CCM2L: variants seen among roughly 807,000 people sequenced by gnomAD.
CCM2L encodes cerebral cavernous malformations 2 protein-like.
A neutral mutation model predicts 54.1 loss-of-function variants in CCM2L; 36 were observed. The ratio of observed to expected loss-of-function variants is 0.67; its 90% confidence interval spans 0.51 to 0.88. CCM2L has a LOEUF of 0.88. Among genes scored for constraint, CCM2L ranks in the 40% least tolerant of loss-of-function variants. CCM2L has a pLI of 0.00. For missense variants in CCM2L, 700 were observed against 812.1 expected, an observed-to-expected ratio of 0.86 and a Z score of 1.68; for synonymous variants, 351 against 359.3, an observed-to-expected ratio of 0.98 and a Z score of 0.26.
In CCM2L at chr20:32,015,020, C is replaced by T. The variant is rs2064729697; in HGVS notation, c.147C>T (p.Tyr49=). The T allele has an allele frequency of 1.9e-6, 3 of 1,562,086 alleles. No individual in the cohort carries two copies. Among genetic ancestry groups the T allele is most frequent in the Non-Finnish European group, 2.6e-6 (3 of 1,156,804 alleles). The change falls in exon 2 of 10, where the codon TAC becomes TAT. Residue 49 remains tyrosine (Y), a synonymous_variant. Coordinates refer to ENST00000452892, the MANE Select transcript of CCM2L (RefSeq NM_001365692.1). ...LHSMPLYPPD[Y]LIDPQILLCD... ...CGATGCCCCTTTATCCCCCCGACTA[C>T]CTCATCGACCCCCAGATTCTGCTGT...
intron 6 of CCM2L, among the ~76,000 whole-genome samples, chr20:32,025,338 G>A (rs1039583559): frequency 3.3e-5 from 5 of 149,352 alleles, no homozygotes; most frequent in Admixed American, 6.7e-5. Context: ...GTACAATCAC[G>A]GCTCTCTGCA....
intron 1 of CCM2L, among the ~76,000 whole-genome samples, chr20:32,010,701 GGACA>G (rs1184414359): frequency 6.6e-6 from 1 of 152,100 alleles, no homozygotes; most frequent in Non-Finnish European, 1.5e-5. Context: ...TCCCTAACGT[GGACA>G]GACAGGGACC....
intron 7 of CCM2L, 86 bp downstream of exon 7, chr20:32,026,005 C>A: frequency 2.9e-6 from 3 of 1,046,838 alleles, no homozygotes; most frequent in Non-Finnish European, 1.3e-6. Context: ...AGAAGGTGAC[C>A]CAACCTTGAT....
intron 2 of CCM2L, 86 bp downstream of exon 2, chr20:32,015,157 T>A: frequency 7.6e-7 from 1 of 1,323,210 alleles, no homozygotes. Flanking sequence ...ATCAGCCGTA[T>A]CTCACACAGG....
Position 32,029,054 on chromosome 20 carries a change from A to G in CCM2L, c.1193A>G (p.His398Arg), listed in dbSNP as rs779529333. The change falls in exon 8 of 10, where the codon CAT becomes CGT. Residue 398 changes from histidine to arginine, a missense_variant. Physicochemically the swap from His to Arg is conservative, Grantham distance 29. Coordinates refer to ENST00000452892, the MANE Select transcript of CCM2L (RefSeq NM_001365692.1). ...CYSGTSTPSF[H>R]GSHCSGSDHS... ...AGCGGCACGTCCACACCTTCTTTCC[A>G]TGGCTCCCACTGCAGCGGCAGCGAC... 1.4e-5 allele frequency: 23 copies of G among 1,614,002 alleles called. No individual in the cohort carries two copies. The Admixed American group carries it at 3.8e-4, about 27-fold the overall frequency.
chr20:32,011,759 A>C (rs2064697602), intron 1 of CCM2L, among the ~76,000 whole-genome samples: 1 of 152,044 alleles, frequency 6.6e-6, no homozygotes, highest in Non-Finnish European at 1.5e-5. Flanking sequence ...AAAACCCCAC[A>C]GTGGGAAGTC....
At chr20:32,024,731 G>A (rs915798863) in intron 6 of CCM2L, among the ~76,000 whole-genome samples, 1 of 152,236 alleles carries the variant, frequency 6.6e-6, no homozygotes, top group Admixed American at 6.5e-5. Context: ...GGAGGCTGAG[G>A]CAGGAGAATC....
intron 7 of CCM2L, chr20:32,028,713 G>A (rs1007245386): frequency 1.6e-5 from 7 of 447,562 alleles, no homozygotes; most frequent in South Asian, 1.2e-4. Flanking sequence ...CAAAAGGGAG[G>A]GGAAAGGAGG....
At chr20:32,015,470 AG>A (rs1213155792) in intron 2 of CCM2L, among the ~76,000 whole-genome samples, 1 of 152,248 alleles carries the variant, frequency 6.6e-6, no homozygotes, top group Admixed American at 6.5e-5. Context: ...AGGAAGGCAA[AG>A]GTTTTTAAAG....
chr20:32,019,503 GGATCT>G, intron 5 of CCM2L, 94 bp downstream of exon 5: 1 of 895,748 alleles, frequency 1.1e-6, no homozygotes, highest in Non-Finnish European at 1.5e-6. Context: ...CAGGTTCCTA[GGATCT>G]GCCCCTGCCT....
At chr20:32,014,263 T>TATATATATA (rs367825984) in intron 1 of CCM2L, among the ~76,000 whole-genome samples, 29 of 105,086 alleles carry the variant, frequency 2.8e-4, no homozygotes, top group South Asian at 1.1e-3. Flanking sequence ...ATATATATAT[T>TATATATATA]TTTTTTTTTT....
At chr20:32,026,612 G>T (rs952024945) in intron 7 of CCM2L, among the ~76,000 whole-genome samples, 1 of 152,104 alleles carries the variant, frequency 6.6e-6, no homozygotes, top group South Asian at 2.1e-4. Flanking sequence ...GCGGTGGCTC[G>T]CACCTGTAAT....
intron 1 of CCM2L, among the ~76,000 whole-genome samples, chr20:32,011,602 A>T (rs183801590): frequency 2.0e-5 from 3 of 152,030 alleles, no homozygotes; most frequent in African/African-American, 4.8e-5. Context: ...TAAAATAAAT[A>T]AATAAATACA....
At chr20:32,013,978 T>C (rs1281327244) in intron 1 of CCM2L, among the ~76,000 whole-genome samples, 1 of 152,198 alleles carries the variant, frequency 6.6e-6, no homozygotes, top group Non-Finnish European at 1.5e-5. Flanking sequence ...TGAGAAATGC[T>C]GTTCTAGATG....
intron 6 of CCM2L, among the ~76,000 whole-genome samples, chr20:32,024,993 G>T (rs989721187): frequency 4.6e-5 from 7 of 152,218 alleles, no homozygotes; most frequent in African/African-American, 1.4e-4. Flanking sequence ...TCCGTACTTG[G>T]TGTTTCTTTG....
rs975351301 is a variant in CCM2L at position 32,030,912 on chromosome 20, T to A, written c.1403-89T>A. The A allele has an allele frequency of 4.3e-6, 5 of 1,170,668 alleles. No individual in the cohort carries two copies. In the African/African-American group the frequency reaches 8.1e-5, roughly 19 times the overall value. 72.5% of individuals were successfully genotyped at this position (1,170,668 alleles called of 1,614,324 possible). ...CACAGCCAGTGAGTGACAGCAGGGA[T>A]TTGCACCCAGATCTGCAGAGAGGAC... On this transcript the variant is annotated intron_variant, in intron 9 of 9. Coordinates refer to ENST00000452892, the MANE Select transcript of CCM2L (RefSeq NM_001365692.1).
At chr20:32,026,744 C>T (rs935660818) in intron 7 of CCM2L, among the ~76,000 whole-genome samples, 5 of 151,932 alleles carry the variant, frequency 3.3e-5, no homozygotes, top group South Asian at 2.1e-4. Context: ...GGTATGGTGG[C>T]GCACACCTGT....
intron 6 of CCM2L, among the ~76,000 whole-genome samples, chr20:32,024,287 G>A (rs1423089232): frequency 1.3e-5 from 2 of 152,204 alleles, no homozygotes; most frequent in Non-Finnish European, 2.9e-5. Context: ...GCATCTGTGG[G>A]AGCTGTGCTT....
chr20:32,023,202 C>T (rs2064823281), intron 6 of CCM2L, among the ~76,000 whole-genome samples: 2 of 152,236 alleles, frequency 1.3e-5, no homozygotes, highest in East Asian at 3.9e-4. Flanking sequence ...GAACTCCTGA[C>T]CTCATGATCC....
Sources: allele counts gnomAD v4.1 joint callset (sites outside exome capture counted in the v4.1 genomes callset), GRCh38; gene constraint gnomAD v4.1.1; transcripts MANE v1.5; gene names NCBI Gene and HGNC (gene_info 2026-07-23, HGNC 2026-07-21).